The following ENPP6 variants were observed in gnomAD, a reference collection of about 807,000 sequenced individuals.
ENPP6 encodes ectonucleotide pyrophosphatase/phosphodiesterase 6.
In ENPP6, 32 loss-of-function variants were observed where a neutral mutation model predicts 42.0. That is an observed-to-expected ratio of 0.76 (90% CI 0.58 to 1.02). ENPP6 has a LOEUF of 1.02. Ranked by LOEUF, ENPP6 falls within the 50% of genes least tolerant of loss-of-function variation. ENPP6 has a pLI of 0.00. For synonymous variants in ENPP6, 213 were observed against 216.0 expected, an observed-to-expected ratio of 0.99 and a Z score of 0.12; for missense variants, 552 against 566.8, an observed-to-expected ratio of 0.97 and a Z score of 0.27.
intron 2 of ENPP6, among the ~76,000 whole-genome samples, chr4:184,152,359 C>G (rs1165988100): frequency 6.6e-6 from 1 of 152,068 alleles, no homozygotes; most frequent in Non-Finnish European, 1.5e-5. Context: ...GCCTTCACCC[C>G]CTCTCCACTG....
intron 2 of ENPP6, among the ~76,000 whole-genome samples, chr4:184,127,042 G>T (rs1364632911): frequency 6.6e-6 from 1 of 152,172 alleles, no homozygotes; most frequent in Non-Finnish European, 1.5e-5. Context: ...CGGCACAATT[G>T]TCAGTGAGAA....
At chr4:184,172,764 CA>C (rs1737489583) in intron 1 of ENPP6, among the ~76,000 whole-genome samples, 1 of 152,114 alleles carries the variant, frequency 6.6e-6, no homozygotes, top group African/African-American at 2.4e-5. Context: ...GAAAGTAATG[CA>C]ATCTCACTTT....
chr4:184,102,802 T>G (rs1736028224), intron 6 of ENPP6, among the ~76,000 whole-genome samples: 1 of 152,234 alleles, frequency 6.6e-6, no homozygotes, highest in Non-Finnish European at 1.5e-5. Flanking sequence ...CCATGCTGGC[T>G]GCTCAAGGAC....
At chr4:184,151,215 G>A (rs1737019620) in intron 2 of ENPP6, among the ~76,000 whole-genome samples, 1 of 152,228 alleles carries the variant, frequency 6.6e-6, no homozygotes, top group Non-Finnish European at 1.5e-5. Flanking sequence ...GTGCACGCCT[G>A]TAATCCCAGC....
chr4:184,208,692 T>G (rs889821471), intron 1 of ENPP6, among the ~76,000 whole-genome samples: 12 of 148,128 alleles, frequency 8.1e-5, no homozygotes, highest in East Asian at 2.0e-4. Context: ...CAGGCTTGCT[T>G]AGGTAAACAA....
intron 1 of ENPP6, among the ~76,000 whole-genome samples, chr4:184,168,665 G>GA (rs1486611141): frequency 6.6e-6 from 1 of 152,234 alleles, no homozygotes; most frequent in South Asian, 2.1e-4. Flanking sequence ...GAGGCGCCAG[G>GA]CTGGGCCAGC....
intron 1 of ENPP6, among the ~76,000 whole-genome samples, chr4:184,189,670 T>C (rs1345292134): frequency 6.6e-6 from 1 of 152,126 alleles, no homozygotes; most frequent in Non-Finnish European, 1.5e-5. Context: ...GCAGGAATGT[T>C]CAAATAAACT....
At position 184,186,380 on chromosome 4, in the gene ENPP6, G is replaced by A. The variant is rs531639389; in HGVS notation, c.241+31199C>T. On this transcript the variant is annotated intron_variant, in intron 1 of 7. Transcript: ENST00000296741. ...CTACAAAAGGCAAAGCTAAAAAGAC[G>A]CAAAGTAGATTAGCAGTTTTCTGGG... Among the ~76,000 whole-genome samples the A allele has an allele frequency of 3.9e-5, 6 of 152,264 alleles. No homozygotes were observed. In the East Asian group the frequency reaches 7.7e-4, roughly 20 times the overall value.
At chr4:184,146,538 T>C (rs571120312) in intron 2 of ENPP6, among the ~76,000 whole-genome samples, 1 of 152,190 alleles carries the variant, frequency 6.6e-6, no homozygotes, top group Non-Finnish European at 1.5e-5. Flanking sequence ...GAAATTATAA[T>C]GTTAAAGAAA....
intron 1 of ENPP6, among the ~76,000 whole-genome samples, chr4:184,156,361 C>T (rs1737158953): frequency 6.6e-6 from 1 of 152,216 alleles, no homozygotes; most frequent in Non-Finnish European, 1.5e-5. Context: ...CAACCCTCTG[C>T]CTCTCTTGCT....
intron 3 of ENPP6, among the ~76,000 whole-genome samples, chr4:184,118,252 A>G (rs1736359221): frequency 6.6e-6 from 1 of 152,210 alleles, no homozygotes; most frequent in Non-Finnish European, 1.5e-5. Flanking sequence ...ACAGTATGGC[A>G]TCTGTTTAGG....
At chr4:184,190,121 G>A (rs758927497) in intron 1 of ENPP6, among the ~76,000 whole-genome samples, 1 of 152,266 alleles carries the variant, frequency 6.6e-6, no homozygotes, top group South Asian at 2.1e-4. Context: ...GGGAACCGCC[G>A]TCTCTGAGAA....
At chr4:184,147,662 G>T (rs576250060) in intron 2 of ENPP6, among the ~76,000 whole-genome samples, 2 of 152,060 alleles carry the variant, frequency 1.3e-5, no homozygotes, top group South Asian at 2.1e-4. Flanking sequence ...TTAGCAGGGT[G>T]GGGAGGTGTG....
chr4:184,094,112 C>T (rs1735856116), intron 7 of ENPP6, among the ~76,000 whole-genome samples: 1 of 152,132 alleles, frequency 6.6e-6, no homozygotes, highest in South Asian at 2.1e-4. Flanking sequence ...AAGACCTCAA[C>T]TCTGCAAAAA....
At chr4:184,200,836 C>T (rs989457954) in intron 1 of ENPP6, among the ~76,000 whole-genome samples, 4 of 152,218 alleles carry the variant, frequency 2.6e-5, no homozygotes, top group African/African-American at 9.6e-5. Context: ...TAGCACTCAG[C>T]CTGGGTTGTT....
At chr4:184,191,604 G>A (rs1180708105) in intron 1 of ENPP6, among the ~76,000 whole-genome samples, 3 of 152,174 alleles carry the variant, frequency 2.0e-5, no homozygotes, top group African/African-American at 4.8e-5. Flanking sequence ...GTTGACCTCA[G>A]GCAAGGCACT....
chr4:184,171,447 G>A (rs985731862), intron 1 of ENPP6, among the ~76,000 whole-genome samples: 1 of 152,202 alleles, frequency 6.6e-6, no homozygotes. Flanking sequence ...GTCCACTCAG[G>A]TTCAAAAAGA....
chr4:184,208,382 G>A (rs903885371), intron 1 of ENPP6, among the ~76,000 whole-genome samples: 26 of 152,176 alleles, frequency 1.7e-4, no homozygotes, highest in Non-Finnish European at 1.0e-4. Flanking sequence ...GTGGGTGCGC[G>A]CACCCTGCGC....
intron 2 of ENPP6, among the ~76,000 whole-genome samples, chr4:184,128,797 A>G (rs1480018658): frequency 1.3e-5 from 2 of 152,222 alleles, no homozygotes; most frequent in African/African-American, 2.4e-5. Flanking sequence ...ATTTTCGAAT[A>G]TAACTGTTGA....
Sources: gnomAD v4.1 joint callset for allele counts (sites outside exome capture counted in the v4.1 genomes callset) on GRCh38, gnomAD v4.1.1 for gene constraint, MANE v1.5 for transcripts, NCBI Gene and HGNC (gene_info 2026-07-23, HGNC 2026-07-21) for gene names.